Variants in ERCC2 observed in about 807,000 individuals in gnomAD.
ERCC2 encodes ERCC excision repair 2, TFIIH core complex helicase subunit.
ERCC2 carries 90 observed loss-of-function variants against 99.4 expected under a neutral mutation model. The ratio of observed to expected loss-of-function variants is 0.91; its 90% CI spans 0.76 to 1.08. The LOEUF is 1.08. Ranked by LOEUF, ERCC2 falls within the 50% of genes least tolerant of loss-of-function variation. ERCC2 has a pLI of 0.00. For missense variants in ERCC2, 993 were observed against 1,038.1 expected (o/e 0.96, Z 0.60); for synonymous variants, 497 against 432.4 (o/e 1.15, Z -1.85).
chr19:45,355,689 T>C lies in ERCC2; in HGVS notation c.1519A>G (p.Lys507Glu). 1 of 1,614,118 alleles carries C rather than the reference T, an allele frequency of 6.2e-7. No individual in the cohort carries two copies. The highest frequency in any genetic ancestry group is 8.5e-7 in the Non-Finnish European group (1 of 1,180,002). ...RGNDQVAISSKFETREDIAVI... is the reference protein window; with the variant it reads ...RGNDQVAISSEFETREDIAVI... ...CCAATATCCTCCCGGGTCTCAAATT[T>C]GGAGCTGATGGCCACCTGGTCATTG... Residue 507 changes from lysine (K) to glutamate (E), a missense_variant, in exon 16 of 23, where the codon AAA becomes GAA. Physicochemically the swap from Lys to Glu is moderately conservative, Grantham distance 56. Transcript: ENST00000391945.
chr19:45,356,522 A>G (rs1187970563), intron 15 of ERCC2, among the ~76,000 whole-genome samples: 1 of 152,166 alleles, frequency 6.6e-6, no homozygotes, highest in African/African-American at 2.4e-5. Flanking sequence ...GAATTCCAAA[A>G]CAAATGGCTG....
chr19:45,354,666 G>A lies in ERCC2; in HGVS notation c.1665+64C>T, dbSNP rs1971950436. The A allele has an allele frequency of 2.6e-5, 41 of 1,602,806 alleles. 1 individual carries two copies. The South Asian group carries it at 3.6e-4, about 14-fold the overall frequency. On this transcript the variant is annotated intron_variant, in intron 17 of 22. Coordinates refer to ENST00000391945, the MANE Select transcript of ERCC2 (RefSeq NM_000400.4). The stretch of plus-strand genomic sequence containing the variant: ...ATCAGAGTGTGAGAGGAATGAAGCT[G>A]ACATAGCGGTGCAGTGCCAGGGACT...
chr19:45,350,721 A>G lies in ERCC2; in HGVS notation c.*908T>C. The G allele has an allele frequency of 6.2e-7, 1 of 1,613,188 alleles. No homozygotes were observed. The highest frequency in any genetic ancestry group is 8.5e-7 in the Non-Finnish European group (1 of 1,179,774). On this transcript the variant is annotated 3_prime_UTR_variant, in exon 23 of 23. Transcript: ENST00000391945. ...GTGAGAAGCTGGTCTCCCGGCTCCG[A>G]GGCGAGGCGGCGGCAGGAGCAGCCG...
In ERCC2 at chr19:45,364,348, G is replaced by C; in HGVS notation, c.719-17C>G. 2 of 1,613,934 alleles carry C rather than the reference G, an allele frequency of 1.2e-6. No individual in the cohort carries two copies. Among genetic ancestry groups the C allele is most frequent in the Non-Finnish European group, 8.5e-7 (1 of 1,179,988 alleles). ...AGACGTTGTCTGGAGAAGGGGGAGAGAGCCGGCTCAGGCAGGCCTGCAGGG... is the reference window on the plus strand; with the variant it reads ...AGACGTTGTCTGGAGAAGGGGGAGACAGCCGGCTCAGGCAGGCCTGCAGGG... On this transcript the variant is annotated splice_polypyrimidine_tract_variant and intron_variant, in intron 8 of 22. Transcript: ENST00000391945.
Position 45,350,407 on chromosome 19 carries a change from AAGG to A in ERCC2, c.*1219_*1221del, listed in dbSNP as rs1381787579. 7.4e-6 allele frequency: 12 copies of A among 1,613,260 alleles called. 1 individual carries two copies. In the African/African-American group the frequency reaches 1.5e-4, roughly 20 times the overall value. ...AGAGCTGTACAAAGAAATCCTCCAC[AAGG>A]AGGACCTACCCGCCCCTCTCGGTGA... On this transcript the variant is annotated 3_prime_UTR_variant, in exon 23 of 23. Transcript: ENST00000391945.
chr19:45,357,463 AG>A lies in ERCC2; in HGVS notation c.1377+10del. The A allele has an allele frequency of 6.2e-7, 1 of 1,613,936 alleles. No homozygotes were observed. Among genetic ancestry groups the A allele is most frequent in the African/African-American group, 1.3e-5 (1 of 75,034 alleles). On this transcript the variant is annotated intron_variant, in intron 14 of 22. Coordinates refer to ENST00000391945, the MANE Select transcript of ERCC2 (RefSeq NM_000400.4). ...GTCAGGGACTAGGAGGGGACGGGGA[AG>A]GGTCCTTACCCCAGATGTGATGATG... is the stretch of plus-strand genomic sequence containing the variant.
Position 45,364,871 on chromosome 19 carries a change from C to T in ERCC2, c.561G>A (p.Gln187=). The T allele has an allele frequency of 6.2e-7, 1 of 1,614,052 alleles. No homozygotes were observed. The highest frequency in any genetic ancestry group is 8.5e-7 in the Non-Finnish European group (1 of 1,179,924). Residue 187 remains glutamine (Q), a synonymous_variant, in exon 7 of 23, where the codon CAG becomes CAA. Coordinates refer to ENST00000391945, the MANE Select transcript of ERCC2 (RefSeq NM_000400.4). The stretch of plus-strand genomic sequence containing the variant: ...GAGCAAGGAAGTATGGGCACCAGCC[C>T]TGGCGCCGCCCCAGGGCCTTCAGGT... ...LDDLKALGRR[Q]GWCPYFLARY... is the part of the protein sequence containing the mutation.
chr19:45,369,435 G>A (rs977280524), intron 2 of ERCC2, among the ~76,000 whole-genome samples: 1 of 152,062 alleles, frequency 6.6e-6, no homozygotes, highest in African/African-American at 2.4e-5. Flanking sequence ...GGGAGGCTGA[G>A]GCAGGTGAAC....
In ERCC2 at chr19:45,350,505, TCCCCCTAGGTGC is replaced by T. The variant is rs1568527339; in HGVS notation, c.*1112_*1123del. 2 of 1,612,652 alleles carry T rather than the reference TCCCCCTAGGTGC, an allele frequency of 1.2e-6. No individual in the cohort carries two copies. Among genetic ancestry groups the T allele is most frequent in the South Asian group, 2.2e-5 (2 of 90,984 alleles). On this transcript the variant is annotated 3_prime_UTR_variant, in exon 23 of 23. Transcript: ENST00000391945. Reference sequence around the variant, plus strand: ...TCCCCATCTCAGTGTCCCCCATCTTTCCCCCTAGGTGCCCCCAACACAGGCACAGCTGGTGAC... The same window carrying T: ...TCCCCATCTCAGTGTCCCCCATCTTTCCCCAACACAGGCACAGCTGGTGAC...
chr19:45,367,098 G>A (rs1972447456), intron 5 of ERCC2, among the ~76,000 whole-genome samples: 1 of 152,100 alleles, frequency 6.6e-6, no homozygotes. Flanking sequence ...CAGCACTTTG[G>A]GAGGCTGAGG....
chr19:45,363,960 G>C, intron 10 of ERCC2, 26 bp downstream of exon 10: 1 of 1,537,890 alleles, frequency 6.5e-7, no homozygotes, highest in Non-Finnish European at 8.7e-7. Context: ...AAAGGGACTG[G>C]GGGGCAGCGG....
rs777782442 is a variant in ERCC2 at position 45,357,301 on chromosome 19, A to G, written c.1448T>C (p.Met483Thr). Residue 483 changes from methionine (M) to threonine (T), a missense_variant, in exon 15 of 23, where the codon ATG becomes ACG. Around this residue, in one of 3 missense-constraint regions of ERCC2, gnomAD observed 909 missense variants for 930.8 expected, o/e 0.98. Transcript: ENST00000391945. The part of the protein sequence containing the change: ...FHPVTMATFT[M>T]TLARVCLCPM... ...GCAGAGGCAGACCCGTGCCAGCGTC[A>G]TGGTGAAGGTTGCCATGGTGACGGG... 6.2e-7 allele frequency: 1 copy of G among 1,614,020 alleles called. No individual in the cohort carries two copies. Among genetic ancestry groups the G allele is most frequent in the Non-Finnish European group, 8.5e-7 (1 of 1,179,910 alleles).
At chr19:45,351,845 A>C (rs1025596501) in intron 22 of ERCC2, 124 bp from the exon 23 acceptor site, 18 of 846,956 alleles carry the variant, frequency 2.1e-5, no homozygotes, top group Non-Finnish European at 3.2e-5. Context: ...GAATTTGGAG[A>C]TGTCCGTATA....
In ERCC2 at chr19:45,365,081, G is replaced by C. The variant is rs1321860127; in HGVS notation, c.438C>G (p.Tyr146Ter). Residue 146 changes from tyrosine (Y) to a stop codon, truncating the protein, a stop_gained, in exon 6 of 23, where the codon TAC becomes TAG. Transcript: ENST00000391945. LOFTEE classifies it high-confidence loss of function. The stretch of plus-strand genomic sequence containing the variant: ...AGTGGGGCAGGCTGGTGTCATGCTG[G>C]TACTGCGCCCGCACATAGGAGGCTG... ...SLTASYVRAQ[Y>*]QHDTSLPHCR... 2.5e-6 allele frequency: 4 copies of C among 1,614,078 alleles called. No individual in the cohort carries two copies. The highest frequency in any genetic ancestry group is 2.2e-5 in the East Asian group (1 of 44,896).
Position 45,353,347 on chromosome 19 carries a change from C to A in ERCC2, c.1666-13G>T. ...TCTCAAGGATCCCCTGGGGAAGGAC[C>A]CAGGGAGGTCAGGGTGGGTTCAGGG... is the stretch of plus-strand genomic sequence containing the variant. On this transcript the variant is annotated splice_polypyrimidine_tract_variant and intron_variant, in intron 17 of 22. Transcript: ENST00000391945. 1 of 1,607,490 alleles carries A rather than the reference C, an allele frequency of 6.2e-7. No individual in the cohort carries two copies. The highest frequency in any genetic ancestry group is 8.5e-7 in the Non-Finnish European group (1 of 1,175,406).
chr19:45,364,213 C>T lies in ERCC2; in HGVS notation c.815+22G>A, dbSNP rs570310603. Reference sequence around the variant, plus strand: ...GTCCCAGGGGCAGGGCGGGCACCACCGCCAGACGTCCCCGGCCCCACCTGA... The same window carrying T: ...GTCCCAGGGGCAGGGCGGGCACCACTGCCAGACGTCCCCGGCCCCACCTGA... On this transcript the variant is annotated intron_variant, in intron 9 of 22. Coordinates refer to ENST00000391945, the MANE Select transcript of ERCC2 (RefSeq NM_000400.4). 12 of 1,612,550 alleles carry T rather than the reference C, an allele frequency of 7.4e-6. No homozygotes were observed. The South Asian group carries it at 7.7e-5, about 10-fold the overall frequency.
chr19:45,353,267 C>A lies in ERCC2; in HGVS notation c.1733G>T (p.Ser578Ile). 6.2e-7 allele frequency: 1 copy of A among 1,614,058 alleles called. No individual in the cohort carries two copies. The highest frequency in any genetic ancestry group is 8.5e-7 in the Non-Finnish European group (1 of 1,179,980). ...CTCCTGGTACTTCTCCAGGGCGACA[C>A]TGGTTTCGGCACCATCCTGGGTCTC... Reference protein sequence around the residue: ...FIETQDGAETSVALEKYQEAC... With the variant: ...FIETQDGAETIVALEKYQEAC... The change falls in exon 18 of 23, where the codon AGT becomes ATT. Residue 578 changes from serine to isoleucine, a missense_variant. By Grantham distance (142) the Ser-to-Ile change is moderately radical. This residue lies in a region of ERCC2 where 909 missense variants were observed against 930.8 expected (regional missense o/e 0.98). Coordinates refer to ENST00000391945, the MANE Select transcript of ERCC2 (RefSeq NM_000400.4).
intron 17 of ERCC2, among the ~76,000 whole-genome samples, chr19:45,354,006 C>T (rs751059127): frequency 5.3e-5 from 8 of 152,288 alleles, no homozygotes; most frequent in South Asian, 2.1e-4. Context: ...CCTTTCCCGC[C>T]GCGTGGAAGC....
At chr19:45,355,803 GCTGTT>G in intron 15 of ERCC2, 75 bp from the exon 16 acceptor site, 2 of 1,048,668 alleles carry the variant, frequency 1.9e-6, no homozygotes, top group East Asian at 5.0e-5. Flanking sequence ...ACCTGCTGGT[GCTGTT>G]CTAAGCTTTT....
Sources: gnomAD v4.1 joint callset for allele counts (sites outside exome capture counted in the v4.1 genomes callset) on GRCh38, gnomAD v4.1.1 for gene constraint, gnomAD v4.1.1 regional missense constraint, MANE v1.5 for transcripts, NCBI Gene and HGNC (gene_info 2026-07-23, HGNC 2026-07-21) for gene names.